Variants in FBXL7 observed in about 807,000 individuals in gnomAD.
FBXL7 encodes F-box and leucine rich repeat protein 7, also known as F-box/LRR-repeat protein 7.
In FBXL7, 12 loss-of-function variants were observed where a neutral mutation model predicts 38.3. That is an observed-to-expected ratio of 0.31 (90% confidence interval 0.20 to 0.51). FBXL7 has a LOEUF of 0.51. Among genes scored for constraint, FBXL7 ranks in the 20% least tolerant of loss-of-function variants. The pLI, the probability that FBXL7 is intolerant of heterozygous loss-of-function variation, is 0.98. For synonymous variants in FBXL7, 297 were observed against 300.9 expected (o/e 0.99, Z 0.13); for missense variants, 567 against 676.4 (o/e 0.84, Z 1.79).
chr5:15,606,990 A>G (rs1475098601), intron 1 of FBXL7: 1 of 152,228 alleles, frequency 6.6e-6, no homozygotes, highest in African/African-American at 2.4e-5. Context: ...CAATTGTTTG[A>G]GATAACCGAT....
chr5:15,852,549 C>G (rs192198861), intron 2 of FBXL7, among the ~76,000 whole-genome samples: 59 of 152,262 alleles, frequency 3.9e-4, no homozygotes, highest in Non-Finnish European at 7.2e-4. Context: ...TTTGTACTTT[C>G]TGTTGAAAAC....
chr5:15,766,748 G>T, intron 2 of FBXL7, among the ~76,000 whole-genome samples: 1 of 152,120 alleles, frequency 6.6e-6, no homozygotes, highest in East Asian at 1.9e-4. Flanking sequence ...TCTCAGATTT[G>T]ATTTTGATTT....
At chr5:15,755,134 A>G (rs574642236) in intron 2 of FBXL7, among the ~76,000 whole-genome samples, 22 of 152,330 alleles carry the variant, frequency 1.4e-4, no homozygotes, top group Middle Eastern at 6.8e-3. Flanking sequence ...TCAAATTTGT[A>G]TACTAGACCA....
At chr5:15,643,294 AG>A (rs1171233734) in intron 2 of FBXL7, among the ~76,000 whole-genome samples, 2 of 152,230 alleles carry the variant, frequency 1.3e-5, no homozygotes, top group African/African-American at 4.8e-5. Flanking sequence ...GCTAAATCCT[AG>A]CTAGACGTGC....
chr5:15,591,201 G>A (rs928763464), intron 1 of FBXL7, among the ~76,000 whole-genome samples: 4 of 152,062 alleles, frequency 2.6e-5, no homozygotes, highest in Admixed American at 6.6e-5. Context: ...AGGCCGAGGC[G>A]GGTGGATCAC....
intron 1 of FBXL7, among the ~76,000 whole-genome samples, chr5:15,603,909 A>G (rs979532955): frequency 6.6e-6 from 1 of 152,158 alleles, no homozygotes; most frequent in Non-Finnish European, 1.5e-5. Context: ...GGCTGAGGCG[A>G]GTGGGTCACT....
intron 2 of FBXL7, among the ~76,000 whole-genome samples, chr5:15,707,767 G>T (rs946383987): frequency 2.6e-5 from 4 of 152,188 alleles, no homozygotes; most frequent in African/African-American, 9.7e-5. Context: ...TGGCCTGTGT[G>T]TATGCCCCAA....
At chr5:15,671,187 A>G (rs889345192) in intron 2 of FBXL7, among the ~76,000 whole-genome samples, 1 of 152,150 alleles carries the variant, frequency 6.6e-6, no homozygotes, top group African/African-American at 2.4e-5. Context: ...CAAAGTTGCT[A>G]TAGTTCTGTA....
intron 2 of FBXL7, among the ~76,000 whole-genome samples, chr5:15,895,246 T>C (rs565113163): frequency 2.0e-5 from 3 of 152,258 alleles, no homozygotes; most frequent in Admixed American, 2.0e-4. Flanking sequence ...AGGGGGATTA[T>C]AGATAATCAT....
chr5:15,772,967 T>C (rs1173762756), intron 2 of FBXL7, among the ~76,000 whole-genome samples: 3 of 152,014 alleles, frequency 2.0e-5, no homozygotes, highest in Non-Finnish European at 4.4e-5. Flanking sequence ...AGATTGTGGC[T>C]CACTTCAGCT....
At chr5:15,676,433 GA>G (rs1231634994) in intron 2 of FBXL7, among the ~76,000 whole-genome samples, 88 of 152,336 alleles carry the variant, frequency 5.8e-4, no homozygotes, top group African/African-American at 1.9e-3. Flanking sequence ...TGTAATTTGA[GA>G]AGCAGAAAAT....
chr5:15,639,727 G>A (rs1741298094), intron 2 of FBXL7, among the ~76,000 whole-genome samples: 1 of 151,496 alleles, frequency 6.6e-6, no homozygotes, highest in South Asian at 2.1e-4. Context: ...TACATGTAAG[G>A]GCTACTAGAT....
chr5:15,593,726 C>G (rs1300511006), intron 1 of FBXL7, among the ~76,000 whole-genome samples: 4 of 151,932 alleles, frequency 2.6e-5, no homozygotes, highest in Non-Finnish European at 4.4e-5. Flanking sequence ...TATTTTTTAT[C>G]CCTTTTTGGA....
chr5:15,659,907 G>A (rs1742001280), intron 2 of FBXL7, among the ~76,000 whole-genome samples: 1 of 152,166 alleles, frequency 6.6e-6, no homozygotes. Flanking sequence ...ATTGAATGTG[G>A]GAGGGAGAAA....
At chr5:15,802,396 C>A (rs1737593446) in intron 2 of FBXL7, among the ~76,000 whole-genome samples, 1 of 152,122 alleles carries the variant, frequency 6.6e-6, no homozygotes, top group Admixed American at 6.5e-5. Flanking sequence ...CCCACCGTCC[C>A]TCTGATTCCA....
At chr5:15,671,466 T>C (rs1438956485) in intron 2 of FBXL7, among the ~76,000 whole-genome samples, 1 of 152,212 alleles carries the variant, frequency 6.6e-6, no homozygotes, top group African/African-American at 2.4e-5. Context: ...TTTTTTGTTT[T>C]TTAAAAAATA....
At chr5:15,626,132 A>G (rs1347336318) in intron 2 of FBXL7, among the ~76,000 whole-genome samples, 1 of 152,176 alleles carries the variant, frequency 6.6e-6, no homozygotes, top group African/African-American at 2.4e-5. Context: ...TCATTTAGGA[A>G]AGCTTTGCAA....
At chr5:15,575,395 C>T (rs556651484) in intron 1 of FBXL7, among the ~76,000 whole-genome samples, 18 of 151,996 alleles carry the variant, frequency 1.2e-4, no homozygotes, top group Non-Finnish European at 2.1e-4. Context: ...CTTTGACGAG[C>T]GCAACAGGGA....
chr5:15,586,546 G>A (rs1739312660), intron 1 of FBXL7, among the ~76,000 whole-genome samples: 1 of 151,914 alleles, frequency 6.6e-6, no homozygotes, highest in Admixed American at 6.6e-5. Flanking sequence ...AAGCTATGAT[G>A]GAGAAACCTC....
Sources: gnomAD v4.1 joint callset for allele counts (sites outside exome capture counted in the v4.1 genomes callset) on GRCh38, gnomAD v4.1.1 for gene constraint, MANE v1.5 for transcripts, NCBI Gene and HGNC (gene_info 2026-07-23, HGNC 2026-07-21) for gene names.